Variants in TMEM67 observed in about 807,000 individuals in gnomAD.
TMEM67 encodes the protein transmembrane protein 67.
A neutral mutation model predicts 136.6 loss-of-function variants in TMEM67; 124 were observed. The observed-to-expected ratio is 0.91, with a 90% CI of 0.78 to 1.05. The LOEUF (loss-of-function observed/expected upper bound fraction) is 1.05, where lower values mean the gene tolerates loss of function less well. Ranked by LOEUF, TMEM67 falls within the 50% of genes least tolerant of loss-of-function variation. The pLI is 0.00. For missense variants in TMEM67, 1,107 were observed against 1,178.4 expected, an observed-to-expected ratio of 0.94 and a Z score of 0.89; for synonymous variants, 364 against 390.5, an observed-to-expected ratio of 0.93 and a Z score of 0.80.
chr8:93,799,594 T>C (rs562459753), intron 20 of TMEM67, 24 bp from the exon 21 acceptor site: 1 of 1,613,090 alleles, frequency 6.2e-7, no homozygotes, highest in South Asian at 1.1e-5. Context: ...CCGTTTAAAT[T>C]ACTACTTTTC....
intron 6 of TMEM67, among the ~76,000 whole-genome samples, chr8:93,769,877 A>G (rs1046792032): frequency 5.3e-5 from 8 of 152,374 alleles, no homozygotes; most frequent in African/African-American, 1.9e-4. Flanking sequence ...GGAAAAGTCT[A>G]CTTTGAACGT....
intron 20 of TMEM67, among the ~76,000 whole-genome samples, chr8:93,797,757 G>A (rs980966555): frequency 2.0e-5 from 3 of 152,260 alleles, no homozygotes; most frequent in African/African-American, 4.8e-5. Context: ...TGAGGCAGGC[G>A]GATCACCTGA....
chr8:93,804,949 T>C, intron 23 of TMEM67, 71 bp downstream of exon 23: 1 of 854,006 alleles, frequency 1.2e-6, no homozygotes, highest in Non-Finnish European at 1.9e-6. Context: ...GGATTTGTTT[T>C]AAAAAAAAAA....
intron 26 of TMEM67, among the ~76,000 whole-genome samples, chr8:93,810,213 C>T (rs1016372063): frequency 3.3e-5 from 5 of 149,840 alleles, no homozygotes; most frequent in Admixed American, 3.3e-4. Flanking sequence ...TCGTGATCCG[C>T]CCACCTCGGC....
chr8:93,759,838 A>AG (rs1563676536), intron 3 of TMEM67: 1 of 593,838 alleles, frequency 1.7e-6, no homozygotes, highest in African/African-American at 1.9e-5. Flanking sequence ...AGTGGCTAAC[A>AG]GGGTTTCTCC....
rs1387373223 is a variant in TMEM67 at position 93,786,459 on chromosome 8, T to C, written c.1412+113T>C. ...AACTGAATTGGAACAGTTGGTCGGG[T>C]TATTTTAGGTGTATGTGTAGATTGG... On this transcript the variant is annotated intron_variant, in intron 13 of 27. Coordinates refer to ENST00000453321, the MANE Select transcript of TMEM67 (RefSeq NM_153704.6). 6 of 1,223,516 alleles carry C rather than the reference T, an allele frequency of 4.9e-6. No homozygotes were observed. In the East Asian group the frequency reaches 9.8e-5, roughly 20 times the overall value. 75.8% of individuals were successfully genotyped at this position (1,223,516 alleles called of 1,614,324 possible).
chr8:93,827,151 G>A, the TMEM67 span, among the ~76,000 whole-genome samples: 3 of 152,098 alleles, frequency 2.0e-5, no homozygotes, highest in Non-Finnish European at 4.4e-5. Flanking sequence ...ATTTTTAAAT[G>A]GCAGATAATC....
chr8:93,771,271 C>G (rs1447239364), intron 6 of TMEM67, among the ~76,000 whole-genome samples: 3 of 150,250 alleles, frequency 2.0e-5, no homozygotes, highest in African/African-American at 7.3e-5. Context: ...TAAAAAAAAG[C>G]TTTATTATGA....
chr8:93,777,909 G>A (rs186795124), intron 7 of TMEM67, among the ~76,000 whole-genome samples: 1 of 152,322 alleles, frequency 6.6e-6, no homozygotes, highest in East Asian at 1.9e-4. Flanking sequence ...GGATATTCTT[G>A]TTAACCTTCT....
At chr8:93,810,670 T>C (rs1318279758) in intron 26 of TMEM67, among the ~76,000 whole-genome samples, 1 of 152,208 alleles carries the variant, frequency 6.6e-6, no homozygotes, top group Non-Finnish European at 1.5e-5. Context: ...TATTTTATTA[T>C]GTCGTGTAGC....
At chr8:93,809,628 G>A (rs775645345) in intron 25 of TMEM67, among the ~76,000 whole-genome samples, 157 bp from the exon 26 acceptor site, 17 of 152,106 alleles carry the variant, frequency 1.1e-4, no homozygotes, top group Non-Finnish European at 2.5e-4. Flanking sequence ...AGAGAATTTT[G>A]TTATAGGTTT....
rs1410698494 is a variant in TMEM67 at position 93,803,696 on chromosome 8, C to G, written c.2322+12C>G. 3 of 1,412,180 alleles carry G rather than the reference C, an allele frequency of 2.1e-6. No homozygotes were observed. The highest frequency in any genetic ancestry group is 2.8e-5 in the African/African-American group (2 of 70,896). The allele number at this position is 1,412,180 out of a possible 1,614,324, so 87.5% of individuals were successfully genotyped here. On this transcript the variant is annotated intron_variant, in intron 22 of 27. Transcript: ENST00000453321. ...GCTCTATGAGTAATGTAAGTACTTT[C>G]TGACTTCATCTTGCAACTGTTACTT...
chr8:93,794,640 C>T (rs1814526419), intron 16 of TMEM67, among the ~76,000 whole-genome samples: 1 of 152,190 alleles, frequency 6.6e-6, no homozygotes, highest in Admixed American at 6.5e-5. Context: ...GCTAAGGAAT[C>T]AGCAGGGGTA....
chr8:93,829,256 C>T, the TMEM67 span, among the ~76,000 whole-genome samples: 316 of 152,280 alleles, frequency 2.1e-3, no homozygotes, highest in African/African-American at 7.3e-3. Context: ...TTTCTTCTTC[C>T]TGTAAGGATT....
intron 12 of TMEM67, 82 bp downstream of exon 12, chr8:93,785,460 CTGATTATA>C (rs1814052608): frequency 7.3e-7 from 1 of 1,373,650 alleles, no homozygotes; most frequent in Admixed American, 1.7e-5. Context: ...TAATAAACCA[CTGATTATA>C]AGAAAGGTCA....
downstream of TMEM67, chr8:93,819,310 C>A: frequency 5.0e-6 from 2 of 400,252 alleles, no homozygotes; most frequent in Non-Finnish European, 9.6e-6. Context: ...CCCAGCTCTG[C>A]CAGGAAGAGG....
At chr8:93,763,621 G>A (rs1812947039) in intron 3 of TMEM67, among the ~76,000 whole-genome samples, 1 of 152,166 alleles carries the variant, frequency 6.6e-6, no homozygotes, top group Non-Finnish European at 1.5e-5. Context: ...AATAGGGAAG[G>A]CATCACTTCT....
intron 3 of TMEM67, among the ~76,000 whole-genome samples, chr8:93,762,412 G>A (rs772534219): frequency 2.7e-5 from 4 of 145,668 alleles, no homozygotes; most frequent in East Asian, 2.0e-4. Context: ...TCTCAAGCTG[G>A]TCTTGAACTC....
downstream of TMEM67, among the ~76,000 whole-genome samples, chr8:93,824,178 T>G (rs1809078994): frequency 6.6e-6 from 1 of 152,228 alleles, no homozygotes; most frequent in African/African-American, 2.4e-5. Context: ...TTTCCTCTTA[T>G]GTCACTTATT....
Sources: allele counts gnomAD v4.1 joint callset (sites outside exome capture counted in the v4.1 genomes callset), GRCh38; gene constraint gnomAD v4.1.1; transcripts MANE v1.5; gene names NCBI Gene and HGNC (gene_info 2026-07-23, HGNC 2026-07-21).